MAX: variants seen among roughly 807,000 people sequenced by gnomAD.
MAX encodes protein max.
Under a neutral mutation model 22.3 loss-of-function variants are expected in MAX, and 3 were observed. The observed-to-expected ratio is 0.13, with a 90% CI of 0.06 to 0.35. The LOEUF (loss-of-function observed/expected upper bound fraction) is 0.35, where lower values mean the gene tolerates loss of function less well. Ranked by LOEUF, MAX falls within the 10% of genes least tolerant of loss-of-function variation. The pLI, the probability that MAX is intolerant of heterozygous loss-of-function variation, is 1.00. For synonymous variants in MAX, 72 were observed against 77.7 expected (o/e 0.93, Z 0.39); for missense variants, 119 against 209.4 (o/e 0.57, Z 2.66).
chr14:65,065,449 C>G (rs146017153), intron 3 of MAX, among the ~76,000 whole-genome samples: 396 of 152,266 alleles, frequency 2.6e-3, no homozygotes, highest in Non-Finnish European at 4.6e-3. Flanking sequence ...GTGTGAACAT[C>G]ATGGAGTGCA....
In MAX at chr14:65,084,505, T is replaced by C. The variant is rs556974602; in HGVS notation, c.172-6469A>G. ...AGAAAGAAATGGAAGAAAGAGGATA[T>C]AAAAACAATCCTCTTGGAAAGCATT... On this transcript the variant is annotated intron_variant, in intron 3 of 4. Transcript: ENST00000358664. This position sits in a 1 kb window ranked among gnomAD's most constrained non-coding sequence, Gnocchi z 4.3. 6.6e-6 allele frequency among the ~76,000 whole-genome samples: 1 copy of C among 151,950 alleles called. No individual in the cohort carries two copies. Among genetic ancestry groups the C allele is most frequent in the African/African-American group, 2.4e-5 (1 of 41,430 alleles).
At chr14:65,010,485 C>T (rs1281715682) in intron 3 of MAX, among the ~76,000 whole-genome samples, 2 of 152,210 alleles carry the variant, frequency 1.3e-5, no homozygotes, top group South Asian at 2.1e-4. Context: ...CAGCTGATCA[C>T]GGGTCACACA....
At position 65,031,252 on chromosome 14, in the gene MAX, G is replaced by T. The variant is rs749355877; in HGVS notation, c.172-24968C>A. 1.3e-5 allele frequency among the ~76,000 whole-genome samples: 2 copies of T among 152,066 alleles called. No individual in the cohort carries two copies. Among genetic ancestry groups the T allele is most frequent in the African/African-American group, 4.8e-5 (2 of 41,410 alleles). On this transcript the variant is annotated intron_variant, in intron 3 of 3. Coordinates refer to the MAX transcript ENST00000341653. This position sits in a 1 kb window ranked among gnomAD's most constrained non-coding sequence, Gnocchi z 4.6. ...GAGAAGCTGAAATAAAATGTGCCCCGAGAAGAATTAGGGCTGGGAGGATGG... is the reference window on the plus strand; with the variant it reads ...GAGAAGCTGAAATAAAATGTGCCCCTAGAAGAATTAGGGCTGGGAGGATGG...
intron 3 of MAX, among the ~76,000 whole-genome samples, chr14:65,051,536 G>A (rs2062610747): frequency 6.6e-6 from 1 of 151,716 alleles, no homozygotes; most frequent in Non-Finnish European, 1.5e-5. Flanking sequence ...GCTTGAACCC[G>A]GGAGGCGGAG....
intron 3 of MAX, among the ~76,000 whole-genome samples, chr14:65,066,568 T>C (rs2062932430): frequency 6.6e-6 from 1 of 152,044 alleles, no homozygotes; most frequent in East Asian, 1.9e-4. Context: ...ATAAGAAAAA[T>C]GCATGGCCGG....
intron 3 of MAX, chr14:65,021,848 G>A (rs1361705310): frequency 9.1e-6 from 4 of 438,724 alleles, no homozygotes; most frequent in East Asian, 7.1e-5. Flanking sequence ...GTTTCACCAT[G>A]TTGGCCAGGC....
intron 3 of MAX, chr14:65,083,935 G>A: frequency 1.5e-6 from 2 of 1,331,528 alleles, no homozygotes; most frequent in Non-Finnish European, 1.9e-6. Context: ...CAATAAATTT[G>A]GATCCACATT....
intron 3 of MAX, among the ~76,000 whole-genome samples, chr14:65,050,793 A>T (rs1230106713): frequency 6.6e-6 from 1 of 152,254 alleles, no homozygotes; most frequent in Non-Finnish European, 1.5e-5. Context: ...AGTATCTATT[A>T]AAAGCCTTAA....
chr14:65,064,001 T>G (rs1021079257), intron 3 of MAX, among the ~76,000 whole-genome samples: 4 of 152,290 alleles, frequency 2.6e-5, no homozygotes, highest in African/African-American at 7.2e-5. Flanking sequence ...AGTTTCACCC[T>G]TAGGCCCACC....
Position 65,075,271 on chromosome 14 carries a change from T to C in MAX, c.*1205A>G. The C allele has an allele frequency of 2.8e-6, 3 of 1,060,658 alleles. No homozygotes were observed. Among genetic ancestry groups the C allele is most frequent in the Non-Finnish European group, 3.4e-6 (3 of 876,164 alleles). The allele number at this position is 1,060,658 out of a possible 1,614,324, so 65.7% of individuals were successfully genotyped here. Reference sequence around the variant, plus strand: ...CGAACTGAGACTACAGAGTATACACTAGAAATCAGCAAATGCCAGGAACGG... The same window carrying C: ...CGAACTGAGACTACAGAGTATACACCAGAAATCAGCAAATGCCAGGAACGG... On this transcript the variant is annotated 3_prime_UTR_variant, in exon 5 of 5. Transcript: ENST00000358664. The surrounding 1 kb of genome is among the most constrained non-coding windows in gnomAD (Gnocchi z 4.1).
chr14:65,032,239 A>G lies in MAX; in HGVS notation c.172-25955T>C. The G allele has an allele frequency of 6.1e-6, 1 of 165,226 alleles. No individual in the cohort carries two copies. The highest frequency in any genetic ancestry group is 1.3e-5 in the Non-Finnish European group (1 of 76,756). 10.2% of individuals were successfully genotyped at this position (165,226 alleles called of 1,614,324 possible). A position where few individuals can be genotyped will look rare whatever the true frequency, so the allele number is the denominator to read the frequency against. On this transcript the variant is annotated intron_variant, in intron 3 of 3. Coordinates refer to the MAX transcript ENST00000341653. The surrounding 1 kb of genome is among the most constrained non-coding windows in gnomAD (Gnocchi z 5.0). ...AACAGTACTAACATCCAAATGAATG[A>G]GCATATCAGAAGTACCTGAATGATA...
chr14:65,102,263 C>A, intron 1 of MAX, 41 bp downstream of exon 1: 1 of 1,612,644 alleles, frequency 6.2e-7, no homozygotes, highest in Non-Finnish European at 8.5e-7. Context: ...GCTGTCCCCG[C>A]CTGACAACCC....
chr14:65,065,142 A>G (rs201856736), intron 3 of MAX, among the ~76,000 whole-genome samples: 7 of 152,124 alleles, frequency 4.6e-5, no homozygotes, highest in Middle Eastern at 3.4e-3. Context: ...TATGACGGGG[A>G]AAAGCAGCTC....
chr14:65,020,726 G>T (rs1490377167), intron 3 of MAX, among the ~76,000 whole-genome samples: 1 of 129,144 alleles, frequency 7.7e-6, no homozygotes, highest in Non-Finnish European at 1.7e-5. Context: ...GAGCCACCGC[G>T]CCCGGCCTTT....
At chr14:65,037,764 A>T (rs2062244519) in intron 3 of MAX, among the ~76,000 whole-genome samples, 1 of 139,700 alleles carries the variant, frequency 7.2e-6, no homozygotes, top group South Asian at 2.3e-4. Context: ...TTATTTATTT[A>T]TTTATTTATT....
At chr14:65,102,164 A>G in intron 1 of MAX, 140 bp downstream of exon 1, 1 of 1,478,760 alleles carries the variant, frequency 6.8e-7, no homozygotes, top group Non-Finnish European at 9.2e-7. Flanking sequence ...CGGGAACGCG[A>G]CGGAGGCACT....
At position 65,021,515 on chromosome 14, in the gene MAX, C is replaced by G. The variant is rs559918395; in HGVS notation, c.172-15231G>C. Reference sequence around the variant, plus strand: ...AGGCCTTTGTCTCCTGGGCATTTTTCCTGGCCAGGTGCTGTTGGCACCTGG... The same window carrying G: ...AGGCCTTTGTCTCCTGGGCATTTTTGCTGGCCAGGTGCTGTTGGCACCTGG... On this transcript the variant is annotated intron_variant, in intron 3 of 3. Transcript: ENST00000341653. Among the ~76,000 whole-genome samples the G allele has an allele frequency of 2.6e-5, 4 of 152,244 alleles. No homozygotes were observed. In the East Asian group the frequency reaches 7.7e-4, roughly 29 times the overall value.
At chr14:65,038,619 G>A (rs923095840) in intron 3 of MAX, among the ~76,000 whole-genome samples, 1 of 152,140 alleles carries the variant, frequency 6.6e-6, no homozygotes, top group Non-Finnish European at 1.5e-5. Context: ...TCAGGAGGCT[G>A]AGGCAGGAGA....
At position 65,018,862 on chromosome 14, in the gene MAX, G is replaced by C. The variant is rs562967417; in HGVS notation, c.172-12578C>G. On this transcript the variant is annotated intron_variant, in intron 3 of 3. Coordinates refer to the MAX transcript ENST00000341653. ...GCGGTGGCTCACACCTGTAATCCCA[G>C]CACTTTGGGAGAACGAAGTGGGTGG... Among the ~76,000 whole-genome samples, 372 of 149,696 alleles carry C rather than the reference G, an allele frequency of 2.5e-3. 1 individual carries two copies. The highest frequency in any genetic ancestry group is 8.7e-3 in the African/African-American group (353 of 40,712).
Sources: gnomAD v4.1 joint callset for allele counts (sites outside exome capture counted in the v4.1 genomes callset) on GRCh38, gnomAD v4.1.1 for gene constraint, Gnocchi (gnomAD v3.1) non-coding constraint, MANE v1.5 for transcripts, NCBI Gene and HGNC (gene_info 2026-07-23, HGNC 2026-07-21) for gene names.